The following SNW1 variants were observed in gnomAD, a reference collection of about 807,000 sequenced individuals.
The protein encoded by SNW1 is SNW domain containing 1.
Under a neutral mutation model 75.6 loss-of-function variants are expected in SNW1, and 9 were observed. That is an observed-to-expected ratio of 0.12 (90% CI 0.07 to 0.21). The LOEUF (loss-of-function observed/expected upper bound fraction) is 0.21. Among genes scored for constraint, SNW1 ranks in the 10% least tolerant of loss-of-function variants. The pLI, the probability that SNW1 is intolerant of heterozygous loss-of-function variation, is 1.00. For synonymous variants in SNW1, 200 were observed against 219.1 expected, an observed-to-expected ratio of 0.91 and a Z score of 0.77; for missense variants, 409 against 670.9, an observed-to-expected ratio of 0.61 and a Z score of 4.31.
intron 10 of SNW1, among the ~76,000 whole-genome samples, chr14:77,724,344 A>G (rs2080567260): frequency 6.6e-6 from 1 of 152,224 alleles, no homozygotes; most frequent in Non-Finnish European, 1.5e-5. Context: ...TCTTCTAGCT[A>G]TTTTGCAATA....
chr14:77,755,868 A>C (rs2139935001), intron 1 of SNW1, among the ~76,000 whole-genome samples: 1 of 151,772 alleles, frequency 6.6e-6, no homozygotes, highest in Middle Eastern at 3.4e-3. Context: ...CCTCCCAAGT[A>C]GCTGGGATTA....
intron 3 of SNW1, among the ~76,000 whole-genome samples, chr14:77,749,717 T>C (rs1191924136): frequency 6.6e-6 from 1 of 152,166 alleles, no homozygotes; most frequent in Non-Finnish European, 1.5e-5. Context: ...CAATGAATTA[T>C]GAGGGTGCCA....
intron 1 of SNW1, chr14:77,760,687 A>C (rs1199329307): frequency 4.3e-6 from 3 of 702,230 alleles, no homozygotes; most frequent in Non-Finnish European, 7.8e-6. Context: ...TGGACAGCGA[A>C]AGGAGAGAGA....
At chr14:77,738,927 G>A (rs764493925) in intron 4 of SNW1, 39 bp downstream of exon 4, 10 of 1,606,936 alleles carry the variant, frequency 6.2e-6, no homozygotes, top group Non-Finnish European at 6.8e-6. Context: ...AAGTTAATCA[G>A]GATGTAAATA....
intron 1 of SNW1, among the ~76,000 whole-genome samples, chr14:77,759,348 T>TA (rs971307244): frequency 5.9e-5 from 9 of 151,306 alleles, no homozygotes; most frequent in African/African-American, 9.7e-5. Context: ...CCATCTCTAC[T>TA]AAAAAAAACA....
At chr14:77,747,581 A>T (rs2080771372) in intron 3 of SNW1, among the ~76,000 whole-genome samples, 1 of 151,036 alleles carries the variant, frequency 6.6e-6, no homozygotes, top group Non-Finnish European at 1.5e-5. Context: ...CCTGTCTGGG[A>T]GGTGAGGAGC....
chr14:77,746,977 G>C (rs971234170), intron 3 of SNW1, among the ~76,000 whole-genome samples: 1 of 151,780 alleles, frequency 6.6e-6, no homozygotes, highest in Non-Finnish European at 1.5e-5. Flanking sequence ...GCCGAGGCTG[G>C]ACTGTGCTGC....
chr14:77,759,245 A>T (rs2139939262), intron 1 of SNW1, among the ~76,000 whole-genome samples: 1 of 152,332 alleles, frequency 6.6e-6, no homozygotes, highest in Middle Eastern at 3.4e-3. Context: ...GTGGTGGCTC[A>T]CGCCAGTAAT....
chr14:77,744,536 C>T (rs1464430850), intron 3 of SNW1, among the ~76,000 whole-genome samples: 1 of 151,106 alleles, frequency 6.6e-6, no homozygotes, highest in African/African-American at 2.4e-5. Context: ...CCTTATTTGG[C>T]CAAGATACTA....
chr14:77,722,813 G>GCCACTCTTCA (rs956610727), intron 11 of SNW1: 2 of 413,602 alleles, frequency 4.8e-6, no homozygotes, highest in African/African-American at 4.2e-5. Flanking sequence ...GTACAAAAAG[G>GCCACTCTTCA]CCACTCTTCA....
intron 2 of SNW1, among the ~76,000 whole-genome samples, chr14:77,752,073 G>A (rs150970522): frequency 1.1e-3 from 162 of 152,212 alleles, no homozygotes; most frequent in African/African-American, 3.6e-3. Flanking sequence ...TATGCAGGAC[G>A]AAACTAAGTA....
chr14:77,741,813 G>C (rs1201651012), intron 3 of SNW1, among the ~76,000 whole-genome samples: 1 of 152,108 alleles, frequency 6.6e-6, no homozygotes, highest in East Asian at 1.9e-4. Context: ...CGGTTATAAG[G>C]AAAGGATTCT....
chr14:77,732,020 G>A (rs1488296245), intron 9 of SNW1, among the ~76,000 whole-genome samples: 2 of 152,150 alleles, frequency 1.3e-5, no homozygotes, highest in Non-Finnish European at 2.9e-5. Flanking sequence ...ATACACATGA[G>A]CCATTGTGCC....
At chr14:77,724,167 A>C (rs2080565781) in intron 10 of SNW1, among the ~76,000 whole-genome samples, 1 of 152,200 alleles carries the variant, frequency 6.6e-6, no homozygotes, top group South Asian at 2.1e-4. Flanking sequence ...TGATAAAGCA[A>C]ATTTATCAAT....
chr14:77,756,140 A>G (rs1233807435), intron 1 of SNW1, among the ~76,000 whole-genome samples: 1 of 150,392 alleles, frequency 6.6e-6, no homozygotes, highest in African/African-American at 2.5e-5. Flanking sequence ...TTTTTTTTTG[A>G]GACAGAGTCT....
intron 3 of SNW1, 54 bp from the exon 4 acceptor site, chr14:77,739,115 C>T (rs1447989016): frequency 3.9e-6 from 5 of 1,295,884 alleles, no homozygotes; most frequent in African/African-American, 2.9e-5. Flanking sequence ...GAAAAGAAAC[C>T]TCATTAGCCA....
chr14:77,734,582 C>A (rs1394892508), intron 8 of SNW1, among the ~76,000 whole-genome samples: 1 of 152,060 alleles, frequency 6.6e-6, no homozygotes, highest in South Asian at 2.1e-4. Flanking sequence ...TACTAAAATA[C>A]GAAAAATTAG....
chr14:77,718,979 C>CA (rs1485971934), intron 12 of SNW1, among the ~76,000 whole-genome samples: 4 of 152,248 alleles, frequency 2.6e-5, no homozygotes, highest in African/African-American at 4.8e-5. Flanking sequence ...CAAAGTGCTA[C>CA]ATAGCTCACT....
In SNW1 at chr14:77,751,457, A is replaced by G; in HGVS notation, c.192T>C (p.Phe64=). ...GATACTGGGCCACATGGATCTCTGGAAAAGCACCTCCATCTCCAAAATCCT... is the reference window on the plus strand; with the variant it reads ...GATACTGGGCCACATGGATCTCTGGGAAAGCACCTCCATCTCCAAAATCCT... ...LLEDFGDGGA[F]PEIHVAQYPL... The change falls in exon 3 of 14, where the codon TTT becomes TTC. Residue 64 remains phenylalanine, a synonymous_variant. Transcript: ENST00000261531. The G allele has an allele frequency of 6.2e-7, 1 of 1,608,690 alleles. No homozygotes were observed. Among genetic ancestry groups the G allele is most frequent in the East Asian group, 2.2e-5 (1 of 44,752 alleles).
Sources: gnomAD v4.1 joint callset for allele counts (sites outside exome capture counted in the v4.1 genomes callset) on GRCh38, gnomAD v4.1.1 for gene constraint, MANE v1.5 for transcripts, NCBI Gene and HGNC (gene_info 2026-07-23, HGNC 2026-07-21) for gene names.